Variants in SLC25A26 observed in about 807,000 individuals in gnomAD.
The protein encoded by SLC25A26 is solute carrier family 25 member 26, also known as mitochondrial S-adenosylmethionine carrier protein.
In SLC25A26, 36 loss-of-function variants were observed where a neutral mutation model predicts 37.8. The observed-to-expected ratio is 0.95, with a 90% CI of 0.73 to 1.26. The LOEUF is 1.26. Ranked by LOEUF, SLC25A26 falls within the 50% of genes most tolerant of loss-of-function variation. SLC25A26 has a pLI of 0.00. For synonymous variants in SLC25A26, 129 were observed against 122.5 expected, an observed-to-expected ratio of 1.05 and a Z score of -0.35; for missense variants, 390 against 331.1, an observed-to-expected ratio of 1.18 and a Z score of -1.38.
At chr3:66,236,497 G>A (rs782500480) in intron 1 of SLC25A26, 47 bp from the exon 2 acceptor site, 4 of 1,416,484 alleles carry the variant, frequency 2.8e-6, no homozygotes, top group Admixed American at 2.5e-5. Flanking sequence ...AGCTTATTTT[G>A]TTGTAACCTT....
chr3:66,340,130 G>C (rs1468741817), intron 5 of SLC25A26, among the ~76,000 whole-genome samples: 1 of 152,014 alleles, frequency 6.6e-6, no homozygotes, highest in Non-Finnish European at 1.5e-5. Context: ...CTGTTGAATG[G>C]TCTGGCACCC....
intron 1 of SLC25A26, among the ~76,000 whole-genome samples, chr3:66,139,830 C>T (rs2070007978): frequency 6.6e-6 from 1 of 152,092 alleles, no homozygotes; most frequent in Admixed American, 6.6e-5. Context: ...GGCAGTAATG[C>T]AGACTAGATG....
At chr3:66,193,170 G>A in intron 1 of SLC25A26, among the ~76,000 whole-genome samples, 1 of 152,052 alleles carries the variant, frequency 6.6e-6, no homozygotes, top group East Asian at 1.9e-4. Context: ...ATGCTTTAAA[G>A]CTATAGTTTA....
intron 2 of SLC25A26, among the ~76,000 whole-genome samples, chr3:66,237,078 C>G (rs1319150909): frequency 6.6e-6 from 1 of 152,162 alleles, no homozygotes; most frequent in Non-Finnish European, 1.5e-5. Flanking sequence ...CTCAAGCAAT[C>G]TGCCCATCTT....
intron 3 of SLC25A26, among the ~76,000 whole-genome samples, chr3:66,258,749 C>T (rs926615624): frequency 6.6e-6 from 1 of 151,922 alleles, no homozygotes; most frequent in African/African-American, 2.4e-5. Context: ...ACTCAGGAGG[C>T]CAAGGTGGGA....
chr3:66,153,843 C>T (rs2070241049), intron 1 of SLC25A26, among the ~76,000 whole-genome samples: 2 of 152,222 alleles, frequency 1.3e-5, no homozygotes, highest in Admixed American at 1.3e-4. Context: ...AAAGATTTGT[C>T]TGAAGACAGT....
chr3:66,144,990 C>G (rs1455777275), intron 1 of SLC25A26, among the ~76,000 whole-genome samples: 1 of 152,116 alleles, frequency 6.6e-6, no homozygotes, highest in Non-Finnish European at 1.5e-5. Context: ...CAGGCTGAGA[C>G]TTTTTCAGAG....
chr3:66,205,221 T>C, intron 1 of SLC25A26, among the ~76,000 whole-genome samples: 1 of 152,208 alleles, frequency 6.6e-6, no homozygotes. Context: ...GCATTCTTCT[T>C]CCAATTAGAA....
chr3:66,204,208 G>A, intron 1 of SLC25A26, among the ~76,000 whole-genome samples: 1 of 152,094 alleles, frequency 6.6e-6, no homozygotes, highest in Non-Finnish European at 1.5e-5. Flanking sequence ...GGCGGATCAC[G>A]AGGTCAGGAG....
intron 5 of SLC25A26, among the ~76,000 whole-genome samples, chr3:66,287,487 A>T (rs559401970): frequency 3.3e-5 from 5 of 152,126 alleles, no homozygotes; most frequent in African/African-American, 1.2e-4. Context: ...CTCTTGCATT[A>T]CTATACTGTT....
At chr3:66,175,163 T>G (rs1276117749) in intron 1 of SLC25A26, among the ~76,000 whole-genome samples, 2 of 138,554 alleles carry the variant, frequency 1.4e-5, no homozygotes, top group African/African-American at 5.2e-5. Flanking sequence ...ACACACACAT[T>G]ATATGTATAT....
At chr3:66,175,140 T>TATATATATACACAC (rs1413714739) in intron 1 of SLC25A26, among the ~76,000 whole-genome samples, 8 of 66,998 alleles carry the variant, frequency 1.2e-4, no homozygotes, top group African/African-American at 5.1e-4. Flanking sequence ...TATATATATA[T>TATATATATACACAC]ACACACACAC....
intron 5 of SLC25A26, among the ~76,000 whole-genome samples, chr3:66,309,454 C>G (rs954907159): frequency 2.0e-5 from 3 of 151,272 alleles, no homozygotes; most frequent in Non-Finnish European, 4.4e-5. Flanking sequence ...AAAACCAGCT[C>G]CTGGATTCAT....
At chr3:66,239,749 A>T (rs958456105) in intron 2 of SLC25A26, among the ~76,000 whole-genome samples, 2 of 151,810 alleles carry the variant, frequency 1.3e-5, no homozygotes, top group African/African-American at 4.8e-5. Flanking sequence ...GGTACTTTGC[A>T]GGAAGTGTGA....
At chr3:66,226,772 T>TA (rs1260766328) in intron 1 of SLC25A26, among the ~76,000 whole-genome samples, 1 of 136,944 alleles carries the variant, frequency 7.3e-6, no homozygotes, top group African/African-American at 2.4e-5. Context: ...ATGTTGTTCT[T>TA]ACAGTTTTTA....
intron 1 of SLC25A26, among the ~76,000 whole-genome samples, chr3:66,198,400 A>T (rs1461987778): frequency 6.6e-6 from 1 of 151,964 alleles, no homozygotes; most frequent in Non-Finnish European, 1.5e-5. Context: ...TAGTGGTCAT[A>T]TGTCCATTTA....
chr3:66,315,550 A>G (rs761458586), intron 5 of SLC25A26, among the ~76,000 whole-genome samples: 1 of 152,026 alleles, frequency 6.6e-6, no homozygotes, highest in African/African-American at 2.4e-5. Context: ...TTGTGCGATC[A>G]GTTTTAGAGT....
In SLC25A26 at chr3:66,350,718, G is replaced by A. The variant is rs564440833; in HGVS notation, c.498+4310G>A. ...TGTGTGTGTGTGTGTGTGTGTGAGC[G>A]CGCGCGTGCGCGCACACCCACACGC... On this transcript the variant is annotated intron_variant, in intron 6 of 9. Coordinates refer to ENST00000354883, the MANE Select transcript of SLC25A26 (RefSeq NM_001379210.1). 8.6e-5 allele frequency among the ~76,000 whole-genome samples: 13 copies of A among 151,648 alleles called. No homozygotes were observed. In the South Asian group the frequency reaches 1.9e-3, roughly 22 times the overall value.
Position 66,206,902 on chromosome 3 carries a change from T to C in SLC25A26, c.-353-13840T>C, listed in dbSNP as rs1406722110. On this transcript the variant is annotated intron_variant, in intron 1 of 10. Transcript: ENST00000676754. ...CTAATTTTTCTTTCTTTCTTTTTTT[T>C]TTTTTTTTTTTTTAACACGGAGTTT... 3.3e-5 allele frequency among the ~76,000 whole-genome samples: 5 copies of C among 150,060 alleles called. No homozygotes were observed. The East Asian group carries it at 7.9e-4, about 24-fold the overall frequency.
Sources: gnomAD v4.1 joint callset for allele counts (sites outside exome capture counted in the v4.1 genomes callset) on GRCh38, gnomAD v4.1.1 for gene constraint, MANE v1.5 for transcripts, NCBI Gene and HGNC (gene_info 2026-07-23, HGNC 2026-07-21) for gene names.